The following KIAA1755 variants were observed in gnomAD, a reference collection of about 807,000 sequenced individuals.
KIAA1755 encodes KIAA1755.
In KIAA1755, 68 loss-of-function variants were observed where a neutral mutation model predicts 91.7. The observed-to-expected ratio is 0.74, with a 90% confidence interval of 0.61 to 0.91. The LOEUF is 0.91. Among genes scored for constraint, KIAA1755 ranks in the 40% least tolerant of loss-of-function variants. KIAA1755 has a pLI of 0.00. For missense variants in KIAA1755, 1,535 were observed against 1,494.4 expected, an observed-to-expected ratio of 1.03 and a Z score of -0.45; for synonymous variants, 610 against 604.6, an observed-to-expected ratio of 1.01 and a Z score of -0.13.
Position 38,217,533 on chromosome 20 carries a change from G to C in KIAA1755, c.2680-59C>G, listed in dbSNP as rs899775614. 3 of 1,298,894 alleles carry C rather than the reference G, an allele frequency of 2.3e-6. No individual in the cohort carries two copies. In the East Asian group the frequency reaches 7.6e-5, roughly 33 times the overall value. 80.5% of individuals were successfully genotyped at this position (1,298,894 alleles called of 1,614,324 possible). ...ACCCACCTTGGCTGGGGCCTCCCTCGGAGGTCAGCAACCTCCAGCTGCCTT... is the reference window on the plus strand; with the variant it reads ...ACCCACCTTGGCTGGGGCCTCCCTCCGAGGTCAGCAACCTCCAGCTGCCTT... On this transcript the variant is annotated intron_variant, in intron 12 of 13. Transcript: ENST00000279024.
intron 11 of KIAA1755, among the ~76,000 whole-genome samples, chr20:38,218,696 G>A (rs974115868): frequency 3.9e-5 from 6 of 152,210 alleles, no homozygotes; most frequent in African/African-American, 1.4e-4. Context: ...TCATAAAAGG[G>A]GTGGCCTCAG....
Position 38,213,228 on chromosome 20 carries a change from G to A in KIAA1755, c.3417C>T (p.Gly1139=), listed in dbSNP as rs948632413. 6.2e-7 allele frequency: 1 copy of A among 1,613,230 alleles called. No homozygotes were observed. The highest frequency in any genetic ancestry group is 8.5e-7 in the Non-Finnish European group (1 of 1,180,024). ...EAGQAAEAED[G]KGSHKLPDPA... ...GGTCAGGCAGCTTGTGGGAGCCTTTGCCGTCTTCAGCCTCTGCAGCCTGGC... is the reference window on the plus strand; with the variant it reads ...GGTCAGGCAGCTTGTGGGAGCCTTTACCGTCTTCAGCCTCTGCAGCCTGGC... Residue 1139 remains glycine (G), a synonymous_variant, in exon 14 of 14, where the codon GGC becomes GGT. Transcript: ENST00000279024.
chr20:38,213,155 G>C lies in KIAA1755; in HGVS notation c.3490C>G (p.Pro1164Ala), dbSNP rs757329195. 5 of 1,613,554 alleles carry C rather than the reference G, an allele frequency of 3.1e-6. No individual in the cohort carries two copies. In the African/African-American group the frequency reaches 6.7e-5, roughly 22 times the overall value. ...AGGCGAGGGACCTGGCTCTGCCTGGGGGGCTGCTGCCGGAAGAAGGTGGTG... is the reference window on the plus strand; with the variant it reads ...AGGCGAGGGACCTGGCTCTGCCTGGCGGGCTGCTGCCGGAAGAAGGTGGTG... ...LATTFFRQQP[P>A]RQSQVPRLTG... Residue 1164 changes from proline to alanine, a missense_variant, in exon 14 of 14, where the codon CCC (proline) becomes GCC (alanine). By Grantham distance (27) the Pro-to-Ala change is conservative. Transcript: ENST00000279024.
In KIAA1755 at chr20:38,240,772, G is replaced by A; in HGVS notation, c.1359C>T (p.Pro453=). Residue 453 remains proline (P), a synonymous_variant, in exon 3 of 14, where the codon CCC becomes CCT. Transcript: ENST00000279024. ...AGGTGTTTCTGCTAGGGCAGGGCATGGGCTTGGGAAGTCTCCCATTTCTCT... is the reference window on the plus strand; with the variant it reads ...AGGTGTTTCTGCTAGGGCAGGGCATAGGCTTGGGAAGTCTCCCATTTCTCT... The part of the protein sequence containing the change: ...TKERNGRLPK[P]MPCPSRNTSS... 1 of 1,600,108 alleles carries A rather than the reference G, an allele frequency of 6.2e-7. No homozygotes were observed. The highest frequency in any genetic ancestry group is 1.1e-5 in the South Asian group (1 of 88,748).
At chr20:38,228,366 A>G in intron 5 of KIAA1755, 126 bp from the exon 6 acceptor site, 1 of 642,308 alleles carries the variant, frequency 1.6e-6, no homozygotes, top group Non-Finnish European at 2.4e-6. Flanking sequence ...TCATCCTGTT[A>G]AGACCAAGTT....
At position 38,212,991 on chromosome 20, in the gene KIAA1755, G is replaced by T. The variant is rs367675864; in HGVS notation, c.*51C>A. The T allele has an allele frequency of 3.0e-5, 42 of 1,422,644 alleles. No homozygotes were observed. The highest frequency in any genetic ancestry group is 3.6e-5 in the Non-Finnish European group (38 of 1,055,110). The allele number at this position is 1,422,644 out of a possible 1,614,324, so 88.1% of individuals were successfully genotyped here. On this transcript the variant is annotated 3_prime_UTR_variant, in exon 14 of 14. Transcript: ENST00000279024. ...GAGCTCCCAGCTACCCCTCCAGCTG[G>T]GCCCTGGCCCAGTGCTCCTGGAGGC... is the stretch of plus-strand genomic sequence containing the variant.
chr20:38,235,888 T>G (rs2075951867), intron 4 of KIAA1755, among the ~76,000 whole-genome samples: 2 of 152,228 alleles, frequency 1.3e-5, no homozygotes, highest in South Asian at 4.1e-4. Flanking sequence ...CAGATCTTTA[T>G]GAAAACTTTA....
rs1310910790 is a variant in KIAA1755, at chr20:38,246,044, A to G, written c.86T>C (p.Leu29Pro). The G allele has an allele frequency of 6.2e-7, 1 of 1,614,054 alleles. No individual in the cohort carries two copies. The highest frequency in any genetic ancestry group is 8.5e-7 in the Non-Finnish European group (1 of 1,180,026). Residue 29 changes from leucine (L) to proline (P), a missense_variant, in exon 2 of 14, where the codon CTG (leucine) becomes CCG (proline). Physicochemically the swap from Leu to Pro is moderately conservative, Grantham distance 98 (BLOSUM62 -3). Transcript: ENST00000279024. ...PPFEATAPTV[L>P]GQVFRLLDSG... ...GTCCAGGAGACGGAACACCTGACCC[A>G]GGACGGTGGGTGCTGTGGCCTCGAA...
chr20:38,239,387 G>A, intron 4 of KIAA1755, 141 bp downstream of exon 4: 2 of 672,246 alleles, frequency 3.0e-6, no homozygotes, highest in South Asian at 3.6e-5. Context: ...GGAAAGATGA[G>A]GAAACTGAGG....
At chr20:38,257,757 C>T (rs2076364626) in intron 1 of KIAA1755, among the ~76,000 whole-genome samples, 1 of 152,192 alleles carries the variant, frequency 6.6e-6, no homozygotes, top group Non-Finnish European at 1.5e-5. Context: ...CAGTCTATCT[C>T]GAAGACCTCT....
intron 1 of KIAA1755, among the ~76,000 whole-genome samples, chr20:38,250,149 C>T (rs1258523577): frequency 6.6e-6 from 1 of 152,228 alleles, no homozygotes; most frequent in East Asian, 1.9e-4. Flanking sequence ...CAAATCCACT[C>T]ACTTTTTCAA....
chr20:38,245,933 G>T lies in KIAA1755; in HGVS notation c.197C>A (p.Ala66Asp), dbSNP rs1284512709. 3 of 1,613,994 alleles carry T rather than the reference G, an allele frequency of 1.9e-6. No homozygotes were observed. Among genetic ancestry groups the T allele is most frequent in the Non-Finnish European group, 2.5e-6 (3 of 1,179,924 alleles). The change falls in exon 2 of 14, where the codon GCC (alanine) becomes GAC (aspartate). Residue 66 changes from alanine to aspartate, a missense_variant. By Grantham distance (126) the Ala-to-Asp change is moderately radical. Coordinates refer to ENST00000279024, the MANE Select transcript of KIAA1755 (RefSeq NM_001029864.2). ...CCTGTTTCCCTCTTGACTTACACAGGCTGCTTCTCGCACTTGCTCACACAG... is the reference window on the plus strand; with the variant it reads ...CCTGTTTCCCTCTTGACTTACACAGTCTGCTTCTCGCACTTGCTCACACAG... ...KRLCEQVREA[A>D]CAPYSHCLFL...
chr20:38,255,913 G>A (rs916810479), intron 1 of KIAA1755, among the ~76,000 whole-genome samples: 14 of 151,978 alleles, frequency 9.2e-5, no homozygotes, highest in Non-Finnish European at 1.6e-4. Context: ...CTCTGCCTTG[G>A]GCTCACCATC....
chr20:38,250,672 C>T (rs1384578132), intron 1 of KIAA1755, among the ~76,000 whole-genome samples: 4 of 151,858 alleles, frequency 2.6e-5, no homozygotes, highest in Non-Finnish European at 5.9e-5. Flanking sequence ...GCTGCTTCTA[C>T]GAGGAGGTTG....
intron 1 of KIAA1755, among the ~76,000 whole-genome samples, chr20:38,246,936 C>A (rs911818646): frequency 1.3e-5 from 2 of 152,214 alleles, no homozygotes; most frequent in Admixed American, 6.5e-5. Flanking sequence ...TTCCCCTCCA[C>A]CAACAGCTCT....
intron 4 of KIAA1755, 92 bp downstream of exon 4, chr20:38,239,436 A>G (rs910542217): frequency 1.7e-6 from 2 of 1,169,912 alleles, no homozygotes; most frequent in Non-Finnish European, 2.5e-6. Flanking sequence ...CCTCCAGGGC[A>G]TTCCCTGCCT....
In KIAA1755 at chr20:38,241,788, G is replaced by T. The variant is rs546231755; in HGVS notation, c.343C>A (p.Gln115Lys). The T allele has an allele frequency of 1.9e-6, 3 of 1,614,224 alleles. No individual in the cohort carries two copies. Among genetic ancestry groups the T allele is most frequent in the East Asian group, 2.2e-5 (1 of 44,886 alleles). ...FYLQVEPQEE[Q>K]SVCIMIKCLS... The stretch of plus-strand genomic sequence containing the variant: ...CATTTGATCATGATGCAGACAGACT[G>T]CTCCTCCTGGGGCTCCACTTGGAGG... The change falls in exon 3 of 14, where the codon CAG becomes AAG. Residue 115 changes from glutamine (Q) to lysine (K), a missense_variant. Gln to Lys is a moderately conservative substitution (Grantham distance 53). Transcript: ENST00000279024.
Position 38,218,255 on chromosome 20 carries a change from GGAA to G in KIAA1755, c.2665_2667del (p.Phe889del), listed in dbSNP as rs755693002. ...TGTCTGGAACGCACTGCAGCCTGGA[GGAA>G]GAAGTTCTCAAATTCTGCGTGGGCT... On this transcript the variant is annotated inframe_deletion, in exon 12 of 14. Coordinates refer to ENST00000279024, the MANE Select transcript of KIAA1755 (RefSeq NM_001029864.2). The G allele has an allele frequency of 1.2e-6, 2 of 1,614,232 alleles. No homozygotes were observed. The highest frequency in any genetic ancestry group is 2.2e-5 in the South Asian group (2 of 91,088).
intron 3 of KIAA1755, among the ~76,000 whole-genome samples, chr20:38,240,365 G>A (rs916271649): frequency 6.6e-6 from 1 of 152,202 alleles, no homozygotes; most frequent in Non-Finnish European, 1.5e-5. Flanking sequence ...TATGGCAAAG[G>A]TGGAGTGTGA....
Sources: allele counts gnomAD v4.1 joint callset (sites outside exome capture counted in the v4.1 genomes callset), GRCh38; gene constraint gnomAD v4.1.1; transcripts MANE v1.5; gene names NCBI Gene and HGNC (gene_info 2026-07-23, HGNC 2026-07-21).